USP34: variants seen among roughly 807,000 people sequenced by gnomAD.
USP34 encodes the protein ubiquitin carboxyl-terminal hydrolase 34.
A neutral mutation model predicts 460.3 loss-of-function variants in USP34; 70 were observed. The observed-to-expected ratio is 0.15, with a 90% CI of 0.13 to 0.19. USP34 has a LOEUF of 0.19. Among genes scored for constraint, USP34 ranks in the 10% least tolerant of loss-of-function variants. USP34 has a pLI of 1.00. For synonymous variants in USP34, 1,647 were observed against 1,405.3 expected, an observed-to-expected ratio of 1.17 and a Z score of -3.85; for missense variants, 3,985 against 4,236.2, an observed-to-expected ratio of 0.94 and a Z score of 1.65.
intron 22 of USP34, among the ~76,000 whole-genome samples, chr2:61,318,541 A>G (rs1690821188): frequency 2.0e-5 from 3 of 152,234 alleles, no homozygotes; most frequent in Admixed American, 6.5e-5. Context: ...CTTTGCAGAG[A>G]GACTTCATAA....
chr2:61,421,991 G>C (rs552997458), intron 1 of USP34, among the ~76,000 whole-genome samples: 3 of 152,256 alleles, frequency 2.0e-5, no homozygotes, highest in Non-Finnish European at 2.9e-5. Flanking sequence ...AGGAAACGGC[G>C]TAAGGCCAAA....
chr2:61,370,632 A>T, intron 8 of USP34, 53 bp from the exon 9 acceptor site: 4 of 1,543,214 alleles, frequency 2.6e-6, no homozygotes, highest in Non-Finnish European at 3.5e-6. Context: ...ATCTTTTCTC[A>T]TGTCTAAAAG....
At chr2:61,406,648 CTT>C (rs1294702536) in intron 2 of USP34, among the ~76,000 whole-genome samples, 9 of 150,844 alleles carry the variant, frequency 6.0e-5, no homozygotes, top group African/African-American at 4.9e-5. Context: ...CACACTCTCT[CTT>C]TCTCTCTCTC....
intron 74 of USP34, among the ~76,000 whole-genome samples, chr2:61,203,532 T>C (rs1049356450): frequency 2.6e-5 from 4 of 152,164 alleles, no homozygotes; most frequent in East Asian, 3.8e-4. Flanking sequence ...TGTGACACTT[T>C]AGCTCTACAG....
At chr2:61,292,241 AG>A (rs1323642043) in intron 33 of USP34, among the ~76,000 whole-genome samples, 1 of 151,854 alleles carries the variant, frequency 6.6e-6, no homozygotes, top group East Asian at 1.9e-4. Context: ...TCATTTGAAA[AG>A]GAAAAAAAAA....
intron 75 of USP34, among the ~76,000 whole-genome samples, chr2:61,199,139 T>G (rs1167033492): frequency 6.6e-6 from 1 of 152,254 alleles, no homozygotes; most frequent in Non-Finnish European, 1.5e-5. Flanking sequence ...GTCAAAACTT[T>G]CAACTTCTTA....
intron 8 of USP34, among the ~76,000 whole-genome samples, chr2:61,371,634 A>T (rs553245886): frequency 3.9e-5 from 6 of 152,230 alleles, no homozygotes; most frequent in South Asian, 2.1e-4. Context: ...GAAGAAAAAA[A>T]TTTTTAAATA....
chr2:61,446,124 A>AC (rs1160752010), intron 1 of USP34, among the ~76,000 whole-genome samples: 1 of 151,520 alleles, frequency 6.6e-6, no homozygotes, highest in Admixed American at 6.6e-5. Flanking sequence ...AAAAAAAAAA[A>AC]AAAAAAAAAA....
chr2:61,433,714 C>G (rs1350780952), intron 1 of USP34, among the ~76,000 whole-genome samples: 11 of 152,104 alleles, frequency 7.2e-5, no homozygotes, highest in Admixed American at 6.5e-4. Context: ...GCTGGAAATC[C>G]ATACAGCTGC....
Position 61,423,226 on chromosome 2 carries a change from G to A in USP34, c.44-2393C>T, listed in dbSNP as rs185468079. ...CCTCCCAGGTTCAAGCGATTCTCCT[G>A]CCTCAGCCTCCTGAGTAGCTGGGAT... On this transcript the variant is annotated intron_variant, in intron 1 of 79. Transcript: ENST00000398571. 2.6e-3 allele frequency among the ~76,000 whole-genome samples: 394 copies of A among 152,234 alleles called. 1 individual carries two copies. The highest frequency in any genetic ancestry group is 9.3e-3 in the African/African-American group (387 of 41,544).
intron 21 of USP34, among the ~76,000 whole-genome samples, chr2:61,323,235 G>T (rs1690980544): frequency 6.6e-6 from 1 of 152,148 alleles, no homozygotes; most frequent in Non-Finnish European, 1.5e-5. Flanking sequence ...AATTAGGCTG[G>T]GCGCAGCGGC....
intron 1 of USP34, among the ~76,000 whole-genome samples, chr2:61,454,005 A>G (rs1695359057): frequency 6.6e-6 from 1 of 152,148 alleles, no homozygotes; most frequent in Non-Finnish European, 1.5e-5. Flanking sequence ...AGGTAAGTAT[A>G]AACTCAGTTT....
intron 1 of USP34, among the ~76,000 whole-genome samples, chr2:61,450,524 G>A (rs145479266): frequency 3.0e-4 from 45 of 152,208 alleles, no homozygotes; most frequent in African/African-American, 1.1e-3. Flanking sequence ...AAGTATGGGA[G>A]GCTGAGGTAG....
intron 10 of USP34, among the ~76,000 whole-genome samples, chr2:61,369,815 AAG>A (rs1387752267): frequency 6.6e-6 from 1 of 151,728 alleles, no homozygotes; most frequent in African/African-American, 2.4e-5. Context: ...ATTTGTGAAA[AAG>A]AAAGAGGAAG....
intron 1 of USP34, among the ~76,000 whole-genome samples, chr2:61,447,305 C>A (rs1472433516): frequency 6.9e-6 from 1 of 144,094 alleles, no homozygotes; most frequent in Non-Finnish European, 1.5e-5. Flanking sequence ...TATAATTCCA[C>A]TGATCTCATC....
At chr2:61,393,097 A>G (rs1386808837) in intron 5 of USP34, among the ~76,000 whole-genome samples, 1 of 152,212 alleles carries the variant, frequency 6.6e-6, no homozygotes, top group Non-Finnish European at 1.5e-5. Flanking sequence ...CCTCTAAAGT[A>G]GATGGATATC....
rs1553379832 is a variant in USP34, at chr2:61,381,285, C to CAA, written c.822-926_822-925dup. 9.3e-4 allele frequency among the ~76,000 whole-genome samples: 138 copies of CAA among 148,374 alleles called. 1 individual carries two copies. In the South Asian group the frequency reaches 0.014, roughly 15 times the overall value. ...AATAAAACACACACACACACACACACAAAACTACCTAGCTAACCAGAGAAC... is the reference window on the plus strand; with the variant it reads ...AATAAAACACACACACACACACACACAAAAAACTACCTAGCTAACCAGAGAAC... On this transcript the variant is annotated intron_variant, in intron 6 of 79. Transcript: ENST00000398571.
At chr2:61,261,092 G>C (rs1688864840) in intron 43 of USP34, among the ~76,000 whole-genome samples, 1 of 152,078 alleles carries the variant, frequency 6.6e-6, no homozygotes, top group African/African-American at 2.4e-5. Context: ...CTATGGAAAA[G>C]GTAAGGCTAT....
intron 43 of USP34, among the ~76,000 whole-genome samples, chr2:61,263,026 T>A (rs76364399): frequency 6.6e-6 from 1 of 151,990 alleles, no homozygotes; most frequent in Admixed American, 6.6e-5. Flanking sequence ...CTTTTTTTTT[T>A]AAGATAGAGT....
Sources: gnomAD v4.1 joint callset for allele counts (sites outside exome capture counted in the v4.1 genomes callset) on GRCh38, gnomAD v4.1.1 for gene constraint, MANE v1.5 for transcripts, NCBI Gene and HGNC (gene_info 2026-07-23, HGNC 2026-07-21) for gene names.